The following ASTN1 variants were observed in gnomAD, a reference collection of about 807,000 sequenced individuals.
The protein encoded by ASTN1 is astrotactin 1, also known as astrotactin-1.
In ASTN1, 41 loss-of-function variants were observed where a neutral mutation model predicts 140.7. That is an observed-to-expected ratio of 0.29 (90% CI 0.23 to 0.38). The LOEUF (loss-of-function observed/expected upper bound fraction) is 0.38, where lower values mean the gene tolerates loss of function less well. Among genes scored for constraint, ASTN1 ranks in the 10% least tolerant of loss-of-function variants. The pLI is 1.00. For missense variants in ASTN1, 1,479 were observed against 1,678.8 expected, an observed-to-expected ratio of 0.88 and a Z score of 2.08; for synonymous variants, 640 against 652.2, an observed-to-expected ratio of 0.98 and a Z score of 0.29.
At chr1:176,964,636 C>A (rs1002925375) in intron 9 of ASTN1, among the ~76,000 whole-genome samples, 16 of 151,826 alleles carry the variant, frequency 1.1e-4, no homozygotes, top group African/African-American at 3.6e-4. Flanking sequence ...ATTTGATCAG[C>A]AAAGTAGTAG....
chr1:176,902,172 ATTTTTT>A (rs547398025), intron 16 of ASTN1, among the ~76,000 whole-genome samples: 24,974 of 152,180 alleles, frequency 0.16, 2,541 homozygotes, highest in Middle Eastern at 0.27. Flanking sequence ...GGAAAAATGA[ATTTTTT>A]GTTTAATTGA....
At chr1:176,995,657 T>C (rs1674404291) in intron 8 of ASTN1, among the ~76,000 whole-genome samples, 1 of 152,170 alleles carries the variant, frequency 6.6e-6, no homozygotes, top group Admixed American at 6.5e-5. Context: ...CAGGAAGCAC[T>C]TGTAGTTCAC....
intron 9 of ASTN1, among the ~76,000 whole-genome samples, chr1:176,959,532 T>C (rs576233493): frequency 6.7e-6 from 1 of 149,308 alleles, no homozygotes; most frequent in East Asian, 2.0e-4. Context: ...AAAAAAAAAA[T>C]GTAGCCCTCT....
intron 1 of ASTN1, among the ~76,000 whole-genome samples, chr1:177,147,515 C>T (rs757138956): frequency 6.6e-6 from 1 of 152,092 alleles, no homozygotes; most frequent in African/African-American, 2.4e-5. Flanking sequence ...GCTGAGAATA[C>T]AGGAGTACAA....
At chr1:176,953,493 T>C (rs905727199) in intron 11 of ASTN1, among the ~76,000 whole-genome samples, 23 of 152,230 alleles carry the variant, frequency 1.5e-4, no homozygotes, top group African/African-American at 4.8e-5. Flanking sequence ...GCTCAAGCCA[T>C]GCAGGACTTC....
At chr1:176,893,320 G>C (rs993494352) in intron 17 of ASTN1, among the ~76,000 whole-genome samples, 7 of 152,132 alleles carry the variant, frequency 4.6e-5, no homozygotes, top group Non-Finnish European at 7.4e-5. Flanking sequence ...TTGGCTTAAA[G>C]ACACTGCAGC....
intron 1 of ASTN1, among the ~76,000 whole-genome samples, chr1:177,064,801 C>A (rs1189009480): frequency 6.6e-6 from 1 of 152,294 alleles, no homozygotes; most frequent in Non-Finnish European, 1.5e-5. Flanking sequence ...TTTTTCCTGG[C>A]AGATCTGGCA....
intron 21 of ASTN1, among the ~76,000 whole-genome samples, chr1:176,873,570 G>C (rs1668437490): frequency 6.6e-6 from 1 of 152,164 alleles, no homozygotes; most frequent in African/African-American, 2.4e-5. Flanking sequence ...ACTCAGACCT[G>C]AGTGCTGCGA....
chr1:176,879,847 G>A (rs751675809), intron 20 of ASTN1, among the ~76,000 whole-genome samples: 26 of 152,222 alleles, frequency 1.7e-4, no homozygotes, highest in Non-Finnish European at 3.5e-4. Context: ...CCATTCCTCA[G>A]TAGTCCCAAA....
At chr1:176,927,112 A>G (rs1262955078) in intron 16 of ASTN1, among the ~76,000 whole-genome samples, 1 of 152,248 alleles carries the variant, frequency 6.6e-6, no homozygotes, top group Non-Finnish European at 1.5e-5. Context: ...ACCGCTGCTT[A>G]GAGCCTGAGC....
At chr1:177,009,507 C>T (rs1675177246) in intron 8 of ASTN1, among the ~76,000 whole-genome samples, 1 of 152,174 alleles carries the variant, frequency 6.6e-6, no homozygotes, top group African/African-American at 2.4e-5. Flanking sequence ...GGGACATTTG[C>T]TCCTTATAAA....
Position 176,863,511 on chromosome 1 carries a change from G to C in ASTN1, c.*773C>G. On this transcript the variant is annotated 3_prime_UTR_variant, in exon 23 of 23. Transcript: ENST00000361833. ...TGTGGACTGCTAACTAGTCTCCCAGGTAGACTTTTCTGAAGGTGCAGTTGA... is the reference window on the plus strand; with the variant it reads ...TGTGGACTGCTAACTAGTCTCCCAGCTAGACTTTTCTGAAGGTGCAGTTGA... 1 of 985,522 alleles carries C rather than the reference G, an allele frequency of 1.0e-6. No homozygotes were observed. Among genetic ancestry groups the C allele is most frequent in the Non-Finnish European group, 1.2e-6 (1 of 829,934 alleles). 61.0% of individuals were successfully genotyped at this position (985,522 alleles called of 1,614,324 possible). A position where few individuals can be genotyped will look rare whatever the true frequency, so the allele number is the denominator to read the frequency against.
intron 21 of ASTN1, among the ~76,000 whole-genome samples, chr1:176,873,609 T>G (rs10913267): frequency 0.16 from 24,992 of 152,150 alleles, 2,563 homozygotes; most frequent in Middle Eastern, 0.27. Context: ...CATCTGGGTG[T>G]GAGGAAGACA....
chr1:177,042,926 G>A (rs553730895), intron 2 of ASTN1, among the ~76,000 whole-genome samples: 24 of 152,310 alleles, frequency 1.6e-4, no homozygotes, highest in Admixed American at 5.2e-4. Context: ...TCTACACTTA[G>A]TACTGTCTAC....
chr1:177,084,410 A>G (rs1029132546), intron 1 of ASTN1, among the ~76,000 whole-genome samples: 2 of 152,134 alleles, frequency 1.3e-5, no homozygotes, highest in Non-Finnish European at 2.9e-5. Context: ...TCCCCCCACA[A>G]AGAGAAAATC....
At chr1:176,992,204 G>C (rs1222909447) in intron 8 of ASTN1, among the ~76,000 whole-genome samples, 1 of 152,092 alleles carries the variant, frequency 6.6e-6, no homozygotes, top group East Asian at 1.9e-4. Context: ...TGTAAGTAAA[G>C]TTCTTGGTAA....
intron 12 of ASTN1, among the ~76,000 whole-genome samples, chr1:176,946,903 A>G (rs1671983035): frequency 6.6e-6 from 1 of 152,234 alleles, no homozygotes; most frequent in Non-Finnish European, 1.5e-5. Context: ...TTTTTTAGCT[A>G]AAGTAAGAAC....
At chr1:176,959,354 G>A (rs553469563) in intron 9 of ASTN1, among the ~76,000 whole-genome samples, 1 of 152,146 alleles carries the variant, frequency 6.6e-6, no homozygotes, top group South Asian at 2.1e-4. Context: ...AACAATGGAA[G>A]GATGCTTACA....
intron 2 of ASTN1, among the ~76,000 whole-genome samples, chr1:177,051,544 A>G (rs916889902): frequency 3.9e-5 from 6 of 152,208 alleles, no homozygotes; most frequent in African/African-American, 1.4e-4. Context: ...AATTCCTGCC[A>G]TTGTCCATAT....
Sources: gnomAD v4.1 joint callset for allele counts (sites outside exome capture counted in the v4.1 genomes callset) on GRCh38, gnomAD v4.1.1 for gene constraint, MANE v1.5 for transcripts, NCBI Gene and HGNC (gene_info 2026-07-23, HGNC 2026-07-21) for gene names.